Variants in TPST2 observed in about 807,000 individuals in gnomAD.
The protein encoded by TPST2 is protein-tyrosine sulfotransferase 2.
TPST2 carries 16 observed loss-of-function variants against 27.8 expected under a neutral mutation model. The observed-to-expected ratio is 0.58, with a 90% CI of 0.39 to 0.88. The LOEUF (loss-of-function observed/expected upper bound fraction) is 0.88, where lower values mean the gene tolerates loss of function less well. Among genes scored for constraint, TPST2 ranks in the 40% least tolerant of loss-of-function variants. The probability of loss-of-function intolerance (pLI) is 0.00; values close to 1 mark genes in which losing one functional copy is unlikely to be tolerated. For missense variants in TPST2, 464 were observed against 543.1 expected (o/e 0.85, Z 1.45); for synonymous variants, 229 against 231.7 (o/e 0.99, Z 0.10).
At position 26,533,141 on chromosome 22, in the gene TPST2, G is replaced by A. The variant is rs1215080767; in HGVS notation, c.1042-396C>T. Among the ~76,000 whole-genome samples, 8 of 152,162 alleles carry A rather than the reference G, an allele frequency of 5.3e-5. No individual in the cohort carries two copies. The East Asian group carries it at 9.6e-4, about 18-fold the overall frequency. On this transcript the variant is annotated intron_variant, in intron 4 of 6. Coordinates refer to ENST00000338754, the MANE Select transcript of TPST2 (RefSeq NM_003595.5). ...TCAAGAGGGGACTCTTGGGCCAGGC[G>A]CAGTGACTCATGCCTGTAATCTCAG...
rs1478051324 is a variant in TPST2, at chr22:26,528,313, C to G, written c.1093-51G>C. The G allele has an allele frequency of 1.9e-6, 3 of 1,549,680 alleles. No individual in the cohort carries two copies. The African/African-American group carries it at 4.1e-5, about 21-fold the overall frequency. On this transcript the variant is annotated intron_variant, in intron 5 of 6. Coordinates refer to ENST00000338754, the MANE Select transcript of TPST2 (RefSeq NM_003595.5). ...AGGGGTCACGGCCAGGTGAGGGATGCCTTGCTGTATTGAGGGTCACCCCTC... is the reference window on the plus strand; with the variant it reads ...AGGGGTCACGGCCAGGTGAGGGATGGCTTGCTGTATTGAGGGTCACCCCTC...
chr22:26,541,639 G>T lies in TPST2; in HGVS notation c.-9C>A, dbSNP rs562367110. On this transcript the variant is annotated 5_prime_UTR_variant, in exon 3 of 7. Transcript: ENST00000338754. This position sits in a 1 kb window ranked among gnomAD's most constrained non-coding sequence, Gnocchi z 5.9. ...CGCACCGACAGGCGCATGCTGGGCC[G>T]GAGGCAGGGTAGGCCTGGCCTGAGG... is the stretch of plus-strand genomic sequence containing the variant. 6.4e-7 allele frequency: 1 copy of T among 1,556,074 alleles called. No individual in the cohort carries two copies. Among genetic ancestry groups the T allele is most frequent in the African/African-American group, 1.4e-5 (1 of 73,900 alleles).
At position 26,532,733 on chromosome 22, in the gene TPST2, C is replaced by A. The variant is rs759309232; in HGVS notation, c.1054G>T (p.Asp352Tyr). Reference protein sequence around the residue: ...INNTQRVLKGDYKTPANLKGY... With the variant: ...INNTQRVLKGYYKTPANLKGY... ...TTCAGATTGGCTGGTGTTTTATAGT[C>A]CCCTTTCAAGACCTAAGGAAGAGAA... is the stretch of plus-strand genomic sequence containing the variant. The change falls in exon 5 of 7, where the codon GAC becomes TAC. Residue 352 changes from aspartate (D) to tyrosine (Y), a missense_variant. By Grantham distance (160) the Asp-to-Tyr change is radical (BLOSUM62 -3). Coordinates refer to ENST00000338754, the MANE Select transcript of TPST2 (RefSeq NM_003595.5). 1 of 1,613,758 alleles carries A rather than the reference C, an allele frequency of 6.2e-7. No individual in the cohort carries two copies. Among genetic ancestry groups the A allele is most frequent in the Non-Finnish European group, 8.5e-7 (1 of 1,179,868 alleles).
chr22:26,577,095 C>CAAA lies in TPST2; in HGVS notation c.-161+12955_-161+12957dup, dbSNP rs34865016. On this transcript the variant is annotated intron_variant, in intron 1 of 6. Transcript: ENST00000338754. ...TGGGCGACAGAACGAGACTCTGTTG[C>CAAA]AAAAAAAAAAAAAAAAAAGAAAATT... Among the ~76,000 whole-genome samples, 121 of 75,344 alleles carry CAAA rather than the reference C, an allele frequency of 1.6e-3. 1 individual carries two copies. The highest frequency in any genetic ancestry group is 2.1e-3 in the Non-Finnish European group (83 of 40,176). The allele number at this position is 75,344 out of a possible 152,430, so 49.4% of individuals were successfully genotyped here. A position where few individuals can be genotyped will look rare whatever the true frequency, so the allele number is the denominator to read the frequency against.
intron 1 of TPST2, among the ~76,000 whole-genome samples, chr22:26,572,227 T>C (rs571620233): frequency 1.1e-4 from 17 of 152,164 alleles, no homozygotes; most frequent in Non-Finnish European, 2.2e-4. Flanking sequence ...AGATGGACGT[T>C]TGACCCAATC....
chr22:26,542,920 G>A (rs1925941610), intron 2 of TPST2, among the ~76,000 whole-genome samples: 2 of 152,192 alleles, frequency 1.3e-5, no homozygotes, highest in African/African-American at 4.8e-5. Flanking sequence ...GCAAGGGCTT[G>A]GGCTGCCTGG....
chr22:26,565,322 GTGGCCAAGGTCTCTCTCCTGC>G (rs1927330572), intron 1 of TPST2: 1 of 152,392 alleles, frequency 6.6e-6, no homozygotes, highest in Non-Finnish European at 1.5e-5. Flanking sequence ...CAGACCCTTG[GTGGCCAAGGTCTCTCTCCTGC>G]TGGCTTTTAG....
intron 1 of TPST2, among the ~76,000 whole-genome samples, chr22:26,570,029 A>AAGAAAGAAAGAAAGAAAGAAAGAC (rs1927560270): frequency 7.9e-6 from 1 of 126,736 alleles, no homozygotes; most frequent in African/African-American, 3.5e-5. Flanking sequence ...GAAAGAAAGA[A>AAGAAAGAAAGAAAGAAAGAAAGAC]AGAAAGAAAG....
At chr22:26,562,051 G>C (rs1372979994) in intron 1 of TPST2, among the ~76,000 whole-genome samples, 2 of 152,242 alleles carry the variant, frequency 1.3e-5, no homozygotes, top group Non-Finnish European at 2.9e-5. Context: ...ACACCAAGCA[G>C]TCAACAAGCT....
At chr22:26,546,557 C>T (rs1299234459) in intron 1 of TPST2, among the ~76,000 whole-genome samples, 3 of 152,252 alleles carry the variant, frequency 2.0e-5, no homozygotes, top group Non-Finnish European at 4.4e-5. Context: ...CCAGGGAACA[C>T]AGGCCCTTTC....
intron 3 of TPST2, 138 bp from the exon 4 acceptor site, chr22:26,536,624 A>G: frequency 1.4e-6 from 1 of 731,898 alleles, no homozygotes; most frequent in Non-Finnish European, 2.1e-6. Flanking sequence ...ATCAACTGTG[A>G]GATGGCAGGT....
At chr22:26,579,343 C>T (rs1382636476) in intron 1 of TPST2, among the ~76,000 whole-genome samples, 1 of 152,198 alleles carries the variant, frequency 6.6e-6, no homozygotes, top group East Asian at 1.9e-4. Flanking sequence ...CCCCAGTACC[C>T]CAAACCAAAT....
intron 3 of TPST2, 129 bp downstream of exon 3, chr22:26,540,660 G>A (rs142440224): frequency 6.5e-6 from 5 of 767,460 alleles, no homozygotes; most frequent in Admixed American, 3.3e-5. Flanking sequence ...ATAATGAAAC[G>A]GAGGCTCAGA....
At chr22:26,575,944 C>T (rs1228982684) in intron 1 of TPST2, among the ~76,000 whole-genome samples, 10 of 151,756 alleles carry the variant, frequency 6.6e-5, no homozygotes, top group African/African-American at 2.2e-4. Context: ...TGCAGTGAGC[C>T]GAGATCGTGC....
chr22:26,560,335 A>T (rs1016351609), intron 1 of TPST2, among the ~76,000 whole-genome samples: 1 of 152,144 alleles, frequency 6.6e-6, no homozygotes, highest in African/African-American at 2.4e-5. Flanking sequence ...AAGACACTTA[A>T]CCTCTGTGGT....
In TPST2 at chr22:26,532,710, C is replaced by T. The variant is rs200249941; in HGVS notation, c.1077G>A (p.Leu359=). ...GGTTTCTAACCTGAAAATATCCTTT[C>T]AGATTGGCTGGTGTTTTATAGTCCC... is the stretch of plus-strand genomic sequence containing the variant. The part of the protein sequence containing the change: ...LKGDYKTPAN[L]KGYFQVNQNS... Residue 359 remains leucine, a synonymous_variant, in exon 5 of 7, where the codon CTG becomes CTA. Coordinates refer to ENST00000338754, the MANE Select transcript of TPST2 (RefSeq NM_003595.5). 43 of 1,614,040 alleles carry T rather than the reference C, an allele frequency of 2.7e-5. No individual in the cohort carries two copies. The Admixed American group carries it at 5.0e-4, about 19-fold the overall frequency.
At chr22:26,570,055 G>A (rs1174267664) in intron 1 of TPST2, among the ~76,000 whole-genome samples, 3 of 145,488 alleles carry the variant, frequency 2.1e-5, no homozygotes, top group African/African-American at 7.7e-5. Context: ...CAGAAAGAAA[G>A]AAAGAAAGAA....
chr22:26,540,759 C>A, intron 3 of TPST2, 30 bp downstream of exon 3: 1 of 1,534,300 alleles, frequency 6.5e-7, no homozygotes, highest in Non-Finnish European at 8.8e-7. Flanking sequence ...GGGCCAGAGT[C>A]TGAGTGGAAG....
chr22:26,540,938 C>T lies in TPST2; in HGVS notation c.693G>A (p.Glu231=), dbSNP rs774835852. ...MYAQCMEVGK[E]KCLPVYYEQL... ...GCTCGTAGTACACAGGCAGGCACTT[C>T]TCCTTGCCTACCTCCATGCACTGGG... The change falls in exon 3 of 7, where the codon GAG becomes GAA. Residue 231 remains glutamate, a synonymous_variant. Coordinates refer to ENST00000338754, the MANE Select transcript of TPST2 (RefSeq NM_003595.5). 1.5e-5 allele frequency: 24 copies of T among 1,613,568 alleles called. No homozygotes were observed. The African/African-American group carries it at 2.4e-4, about 16-fold the overall frequency.
Sources: gnomAD v4.1 joint callset for allele counts (sites outside exome capture counted in the v4.1 genomes callset) on GRCh38, gnomAD v4.1.1 for gene constraint, Gnocchi (gnomAD v3.1) non-coding constraint, MANE v1.5 for transcripts, NCBI Gene and HGNC (gene_info 2026-07-23, HGNC 2026-07-21) for gene names.